GRIN3A: variants seen among roughly 807,000 people sequenced by gnomAD.
GRIN3A encodes the protein glutamate receptor ionotropic, NMDA 3A.
GRIN3A carries 47 observed loss-of-function variants against 92.4 expected under a neutral mutation model. That is an observed-to-expected ratio of 0.51 (90% CI 0.40 to 0.65). The LOEUF (loss-of-function observed/expected upper bound fraction) is 0.65, where lower values mean the gene tolerates loss of function less well. GRIN3A is among the 30% of genes least tolerant of loss of function. GRIN3A has a pLI of 0.00. For missense variants in GRIN3A, 1,324 were observed against 1,393.1 expected (o/e 0.95, Z 0.79); for synonymous variants, 527 against 540.6 (o/e 0.97, Z 0.35).
At chr9:101,721,315 C>T (rs1383758124) in intron 1 of GRIN3A, among the ~76,000 whole-genome samples, 5 of 152,186 alleles carry the variant, frequency 3.3e-5, no homozygotes, top group Non-Finnish European at 5.9e-5. Context: ...TTTTGCCTCC[C>T]GCCATGATTC....
At chr9:101,657,023 G>A (rs10819970) in intron 3 of GRIN3A, among the ~76,000 whole-genome samples, 51,171 of 151,744 alleles carry the variant, frequency 0.34, 9,509 homozygotes, top group Non-Finnish European at 0.42. Context: ...GTCTAAATTA[G>A]TAACCCATAT....
chr9:101,679,000 A>G (rs1051541394), intron 2 of GRIN3A, among the ~76,000 whole-genome samples: 1 of 152,186 alleles, frequency 6.6e-6, no homozygotes, highest in Admixed American at 6.5e-5. Context: ...TCCTGGTCAC[A>G]CTGTGAAACA....
At chr9:101,611,942 G>A (rs1038712316) in intron 6 of GRIN3A, among the ~76,000 whole-genome samples, 7 of 152,174 alleles carry the variant, frequency 4.6e-5, no homozygotes, top group Admixed American at 6.5e-5. Flanking sequence ...TGAGGAAGAG[G>A]AGGCAACAGC....
rs1827786035 is a variant in GRIN3A at position 101,573,387 on chromosome 9, GTCCTGGTGGA to G, written c.3125_3134del (p.Ile1042ThrfsTer24). ...CTCTTCTCCTTGGAGGGAGGGGGAT[GTCCTGGTGGA>G]TCCGGATGCCCAGCTGGTTTTGTCC... On this transcript the variant is annotated frameshift_variant, in exon 9 of 9. Transcript: ENST00000361820. LOFTEE classifies it high-confidence loss of function. 6.2e-7 allele frequency: 1 copy of G among 1,614,092 alleles called. No individual in the cohort carries two copies. The highest frequency in any genetic ancestry group is 1.7e-5 in the Admixed American group (1 of 60,028).
In GRIN3A at chr9:101,579,185, G is replaced by A. The variant is rs781264833; in HGVS notation, c.2931+11C>T. ...TTAAGAATATTGGAGCAAGACACCT[G>A]TGGCACTCACCTGGCTGGTGTGGAG... On this transcript the variant is annotated intron_variant, in intron 7 of 8. Coordinates refer to ENST00000361820, the MANE Select transcript of GRIN3A (RefSeq NM_133445.3). The A allele has an allele frequency of 6.2e-7, 1 of 1,613,252 alleles. No individual in the cohort carries two copies. Among genetic ancestry groups the A allele is most frequent in the African/African-American group, 1.3e-5 (1 of 74,882 alleles).
chr9:101,719,625 G>C (rs148179069), intron 1 of GRIN3A, among the ~76,000 whole-genome samples: 1 of 152,190 alleles, frequency 6.6e-6, no homozygotes, highest in Non-Finnish European at 1.5e-5. Context: ...GGTTCCCCTG[G>C]CTTGAGCTCA....
In GRIN3A at chr9:101,702,253, G is replaced by C. The variant is rs571627326; in HGVS notation, c.700-15053C>G. On this transcript the variant is annotated intron_variant, in intron 1 of 8. Transcript: ENST00000361820. ...GGAGGCAGAGGTTGCAGTGAGCTGAGATCACCCCACTGCACCTCAGCCTGG... is the reference window on the plus strand; with the variant it reads ...GGAGGCAGAGGTTGCAGTGAGCTGACATCACCCCACTGCACCTCAGCCTGG... 2.0e-5 allele frequency among the ~76,000 whole-genome samples: 3 copies of C among 152,226 alleles called. No individual in the cohort carries two copies. In the South Asian group the frequency reaches 6.2e-4, roughly 32 times the overall value.
intron 5 of GRIN3A, 85 bp from the exon 6 acceptor site, chr9:101,613,612 A>G (rs760823872): frequency 7.6e-6 from 10 of 1,311,010 alleles, no homozygotes; most frequent in Non-Finnish European, 1.1e-5. Flanking sequence ...TGATACTGCC[A>G]TCAGACCAAA....
At chr9:101,580,244 G>T (rs1827871349) in intron 6 of GRIN3A, among the ~76,000 whole-genome samples, 1 of 152,140 alleles carries the variant, frequency 6.6e-6, no homozygotes, top group Non-Finnish European at 1.5e-5. Flanking sequence ...TTCCCATTCT[G>T]CAGGATGGCT....
chr9:101,661,966 C>A (rs375922058), intron 3 of GRIN3A, among the ~76,000 whole-genome samples: 2 of 151,770 alleles, frequency 1.3e-5, no homozygotes, highest in East Asian at 3.9e-4. Context: ...ATTTAAATTT[C>A]TTTATTAATT....
chr9:101,615,470 C>T (rs148272567), intron 5 of GRIN3A, among the ~76,000 whole-genome samples: 14 of 151,384 alleles, frequency 9.2e-5, no homozygotes, highest in African/African-American at 3.4e-4. Flanking sequence ...CATTCTCCCG[C>T]CTCAGCCTCT....
At chr9:101,709,082 G>A (rs527476192) in intron 1 of GRIN3A, among the ~76,000 whole-genome samples, 1 of 151,932 alleles carries the variant, frequency 6.6e-6, no homozygotes, top group African/African-American at 2.4e-5. Flanking sequence ...GCCATAACCT[G>A]TATTCTAACT....
chr9:101,606,140 T>C (rs1246833599), intron 6 of GRIN3A, among the ~76,000 whole-genome samples: 1 of 152,192 alleles, frequency 6.6e-6, no homozygotes, highest in African/African-American at 2.4e-5. Context: ...TGTCTGGAAG[T>C]GCAGAGGCTG....
chr9:101,694,113 T>C (rs1417928587), intron 1 of GRIN3A, among the ~76,000 whole-genome samples: 3 of 152,182 alleles, frequency 2.0e-5, no homozygotes, highest in African/African-American at 7.2e-5. Context: ...AGGTATGGTC[T>C]ATTTCATTGC....
At chr9:101,643,534 C>G (rs1443055577) in intron 3 of GRIN3A, among the ~76,000 whole-genome samples, 2 of 151,990 alleles carry the variant, frequency 1.3e-5, no homozygotes, top group African/African-American at 2.4e-5. Context: ...TATGATCCAT[C>G]ACTTCCACTC....
At chr9:101,645,452 GC>G (rs1234960486) in intron 3 of GRIN3A, among the ~76,000 whole-genome samples, 1 of 149,164 alleles carries the variant, frequency 6.7e-6, no homozygotes, top group Non-Finnish European at 1.5e-5. Context: ...TAAGAAACAT[GC>G]AGATGCAGAT....
At chr9:101,693,862 G>T (rs979497499) in intron 1 of GRIN3A, among the ~76,000 whole-genome samples, 1 of 152,160 alleles carries the variant, frequency 6.6e-6, no homozygotes, top group South Asian at 2.1e-4. Context: ...AGCAAGTTTG[G>T]AAAAGCTCAC....
At chr9:101,657,076 C>T (rs185880913) in intron 3 of GRIN3A, among the ~76,000 whole-genome samples, 3 of 151,798 alleles carry the variant, frequency 2.0e-5, no homozygotes, top group South Asian at 2.1e-4. Context: ...GTTTGTCTTA[C>T]GTTGAAATGT....
intron 6 of GRIN3A, among the ~76,000 whole-genome samples, chr9:101,597,696 C>A (rs922325880): frequency 2.0e-5 from 3 of 151,842 alleles, no homozygotes; most frequent in Non-Finnish European, 4.4e-5. Flanking sequence ...CAAACAACAT[C>A]AAAAAAATAG....
Sources: gnomAD v4.1 joint callset for allele counts (sites outside exome capture counted in the v4.1 genomes callset) on GRCh38, gnomAD v4.1.1 for gene constraint, MANE v1.5 for transcripts, NCBI Gene and HGNC (gene_info 2026-07-23, HGNC 2026-07-21) for gene names.